Variants in NRG1 observed in about 807,000 individuals in gnomAD.
NRG1 encodes the protein neuregulin 1.
NRG1 carries 18 observed loss-of-function variants against 63.8 expected under a neutral mutation model. The ratio of observed to expected loss-of-function variants is 0.28; its 90% CI spans 0.19 to 0.42. NRG1 has a LOEUF of 0.42. Ranked by LOEUF, NRG1 falls within the 10% of genes least tolerant of loss-of-function variation. NRG1 has a pLI of 1.00. For synonymous variants in NRG1, 302 were observed against 301.3 expected, an observed-to-expected ratio of 1.00 and a Z score of -0.02; for missense variants, 762 against 814.7, an observed-to-expected ratio of 0.94 and a Z score of 0.79.
intron 1 of NRG1, among the ~76,000 whole-genome samples, chr8:32,023,115 G>A (rs978404310): frequency 1.3e-5 from 2 of 152,090 alleles, no homozygotes; most frequent in African/African-American, 4.8e-5. Flanking sequence ...ATATTTACCT[G>A]CACCCCATCT....
At chr8:32,633,434 G>A (rs1337435425) in intron 5 of NRG1, among the ~76,000 whole-genome samples, 1 of 152,102 alleles carries the variant, frequency 6.6e-6, no homozygotes, top group East Asian at 1.9e-4. Flanking sequence ...TTCTGGAATT[G>A]AATTCTGCAT....
intron 1 of NRG1, among the ~76,000 whole-genome samples, chr8:32,031,539 G>T (rs1433142044): frequency 6.6e-6 from 1 of 152,046 alleles, no homozygotes; most frequent in Admixed American, 6.5e-5. Context: ...AGTCTCTGTG[G>T]TCTATTTTAT....
At chr8:31,850,834 T>G (rs7845356) in intron 1 of NRG1, among the ~76,000 whole-genome samples, 3,362 of 152,348 alleles carry the variant, frequency 0.022, 117 homozygotes, top group African/African-American at 0.075. Context: ...TGATTACTTG[T>G]GATTTGACAT....
At chr8:32,513,500 G>T (rs117146719) in intron 1 of NRG1, among the ~76,000 whole-genome samples, 1 of 151,818 alleles carries the variant, frequency 6.6e-6, no homozygotes, top group African/African-American at 2.4e-5. Context: ...ATCCATTATA[G>T]ATATGCCTCC....
rs1391635999 is a variant in NRG1 at position 31,640,271 on chromosome 8, C to T, written c.37+840C>T. 4 of 1,137,142 alleles carry T rather than the reference C, an allele frequency of 3.5e-6. No homozygotes were observed. The highest frequency in any genetic ancestry group is 4.9e-5 in the Admixed American group (1 of 20,388). The allele number at this position is 1,137,142 out of a possible 1,614,324, so 70.4% of individuals were successfully genotyped here. A position where few individuals can be genotyped will look rare whatever the true frequency, so the allele number is the denominator to read the frequency against. ...CACCCGCAGCGGCGGCAGCAGGGGG[C>T]ACTCGACAGGAAGGCGGCGGCGGCG... On this transcript the variant is annotated intron_variant, in intron 1 of 10. Transcript: ENST00000519301. This position sits in a 1 kb window ranked among gnomAD's most constrained non-coding sequence, Gnocchi z 6.3.
At chr8:32,248,048 A>C (rs942611067) in intron 1 of NRG1, among the ~76,000 whole-genome samples, 1 of 152,088 alleles carries the variant, frequency 6.6e-6, no homozygotes, top group Non-Finnish European at 1.5e-5. Flanking sequence ...GCGTTTTACA[A>C]CTTTCTACGT....
intron 1 of NRG1, among the ~76,000 whole-genome samples, chr8:31,892,654 C>CT (rs1471744163): frequency 1.3e-4 from 20 of 152,004 alleles, no homozygotes; most frequent in African/African-American, 4.6e-4. Flanking sequence ...TTGATAATCC[C>CT]TGTTTATTGT....
intron 1 of NRG1, among the ~76,000 whole-genome samples, chr8:32,366,777 T>A (rs1808116242): frequency 1.3e-5 from 2 of 148,984 alleles, no homozygotes; most frequent in Admixed American, 1.4e-4. Context: ...AGTGGTGCAA[T>A]CTCAGCTAAC....
At chr8:31,656,540 T>A (rs1180608174) in intron 1 of NRG1, among the ~76,000 whole-genome samples, 1 of 152,208 alleles carries the variant, frequency 6.6e-6, no homozygotes, top group African/African-American at 2.4e-5. Flanking sequence ...AGCACAAAGC[T>A]GTTTTAAATA....
At chr8:31,867,559 G>T (rs1279955607) in intron 1 of NRG1, among the ~76,000 whole-genome samples, 2 of 149,382 alleles carry the variant, frequency 1.3e-5, no homozygotes, top group Non-Finnish European at 3.0e-5. Context: ...TTCAAGGTGG[G>T]TCTTGGTATA....
intron 1 of NRG1, among the ~76,000 whole-genome samples, chr8:31,701,247 C>A (rs1276247085): frequency 2.0e-5 from 3 of 152,074 alleles, no homozygotes; most frequent in Admixed American, 2.0e-4. Context: ...ACATACAGCA[C>A]AGTCATCAAA....
intron 6 of NRG1, among the ~76,000 whole-genome samples, chr8:32,733,390 C>A (rs1398136245): frequency 6.6e-6 from 1 of 151,978 alleles, no homozygotes; most frequent in Non-Finnish European, 1.5e-5. Context: ...AAAAACATAA[C>A]TATGGGAGAC....
chr8:32,655,741 T>G (rs1160752358), intron 5 of NRG1, among the ~76,000 whole-genome samples: 1 of 152,174 alleles, frequency 6.6e-6, no homozygotes, highest in Non-Finnish European at 1.5e-5. Context: ...TTTTGAGTAA[T>G]GTCCAAAAAT....
intron 1 of NRG1, among the ~76,000 whole-genome samples, chr8:32,122,260 G>A (rs536910337): frequency 6.6e-6 from 1 of 151,896 alleles, no homozygotes; most frequent in South Asian, 2.1e-4. Flanking sequence ...CTGCTCTCTT[G>A]CTCTAAGCTA....
At chr8:31,890,960 G>T (rs148861240) in intron 1 of NRG1, among the ~76,000 whole-genome samples, 1 of 152,158 alleles carries the variant, frequency 6.6e-6, no homozygotes, top group Non-Finnish European at 1.5e-5. Flanking sequence ...GCAGAAAAAA[G>T]TAAGTCTTCA....
At chr8:31,941,934 G>A (rs2129621190) in intron 1 of NRG1, among the ~76,000 whole-genome samples, 1 of 152,132 alleles carries the variant, frequency 6.6e-6, no homozygotes, top group Non-Finnish European at 1.5e-5. Context: ...ATGGATGGGT[G>A]AATTAATATT....
At chr8:32,563,624 A>G (rs1791017559) in intron 1 of NRG1, among the ~76,000 whole-genome samples, 1 of 152,228 alleles carries the variant, frequency 6.6e-6, no homozygotes, top group South Asian at 2.1e-4. Flanking sequence ...TGAGCAGCAG[A>G]AAGATATGAA....
chr8:32,297,352 T>G (rs1266219966), intron 1 of NRG1, among the ~76,000 whole-genome samples: 1 of 152,186 alleles, frequency 6.6e-6, no homozygotes, highest in African/African-American at 2.4e-5. Flanking sequence ...TGGCATTTAC[T>G]TCATTTTAGA....
chr8:32,103,701 G>T (rs913905664), intron 1 of NRG1, among the ~76,000 whole-genome samples: 1 of 152,140 alleles, frequency 6.6e-6, no homozygotes, highest in Non-Finnish European at 1.5e-5. Flanking sequence ...TGCTGAAGGT[G>T]AGAATATGGC....
Sources: allele counts gnomAD v4.1 joint callset (sites outside exome capture counted in the v4.1 genomes callset), GRCh38; gene constraint gnomAD v4.1.1; non-coding constraint Gnocchi (gnomAD v3.1); transcripts MANE v1.5; gene names NCBI Gene and HGNC (gene_info 2026-07-23, HGNC 2026-07-21).